The following THSD4 variants were observed in gnomAD, a reference collection of about 807,000 sequenced individuals.
The protein encoded by THSD4 is thrombospondin type-1 domain-containing protein 4.
THSD4 carries 69 observed loss-of-function variants against 119.0 expected under a neutral mutation model. The ratio of observed to expected loss-of-function variants is 0.58; its 90% CI spans 0.48 to 0.71. The LOEUF is 0.71. Among genes scored for constraint, THSD4 ranks in the 30% least tolerant of loss-of-function variants. The pLI, the probability that THSD4 is intolerant of heterozygous loss-of-function variation, is 0.00. For missense variants in THSD4, 1,393 were observed against 1,391.1 expected (o/e 1.00, Z -0.02); for synonymous variants, 524 against 540.4 (o/e 0.97, Z 0.42).
chr15:71,154,037 T>G (rs548742804), intron 2 of THSD4, among the ~76,000 whole-genome samples: 2 of 152,324 alleles, frequency 1.3e-5, no homozygotes, highest in African/African-American at 4.8e-5. Context: ...TCAGCTCTAC[T>G]CCTTCCCTCA....
chr15:71,214,674 G>A (rs975761762), intron 3 of THSD4, among the ~76,000 whole-genome samples: 6 of 152,184 alleles, frequency 3.9e-5, no homozygotes, highest in African/African-American at 7.2e-5. Flanking sequence ...TTGCCTTTCC[G>A]GCAGGGTGAC....
At chr15:71,567,512 T>A (rs1040768822) in intron 7 of THSD4, among the ~76,000 whole-genome samples, 1 of 152,044 alleles carries the variant, frequency 6.6e-6, no homozygotes, top group Non-Finnish European at 1.5e-5. Flanking sequence ...GTCCACCAGC[T>A]CCTTTTTCAT....
In THSD4 at chr15:71,435,210, T is replaced by G. The variant is rs191664288; in HGVS notation, c.1152+23387T>G. 1.4e-3 allele frequency among the ~76,000 whole-genome samples: 218 copies of G among 152,316 alleles called. 5 individuals carry two copies. The highest frequency in any genetic ancestry group is 9.4e-3 in the Admixed American group (144 of 15,302). ...AGGATTTATATCTCCAAGGGACTGGTTCTCTGACTGGGAAACCAACCCCAG... is the reference window on the plus strand; with the variant it reads ...AGGATTTATATCTCCAAGGGACTGGGTCTCTGACTGGGAAACCAACCCCAG... On this transcript the variant is annotated intron_variant, in intron 7 of 17. Coordinates refer to ENST00000261862, the MANE Select transcript of THSD4 (RefSeq NM_024817.3).
rs543944675 is a variant in THSD4 at position 71,135,287 on chromosome 15, G to A, written c.-79-6162G>A. Among the ~76,000 whole-genome samples the A allele has an allele frequency of 1.3e-4, 19 of 146,908 alleles. No individual in the cohort carries two copies. The South Asian group carries it at 1.3e-3, about 10-fold the overall frequency. On this transcript the variant is annotated intron_variant, in intron 1 of 17. Coordinates refer to ENST00000261862, the MANE Select transcript of THSD4 (RefSeq NM_024817.3). The stretch of plus-strand genomic sequence containing the variant: ...ATGCTAGATGACGAGTTGGTGCAGC[G>A]CACCAGCATGGCACATGTATACATA...
intron 8 of THSD4, among the ~76,000 whole-genome samples, chr15:71,702,983 C>T (rs2052322493): frequency 6.6e-6 from 1 of 151,660 alleles, no homozygotes; most frequent in South Asian, 2.1e-4. Flanking sequence ...CTGACCCCTG[C>T]TCTTTTTTTT....
At chr15:71,379,013 G>A (rs1353174359) in intron 6 of THSD4, among the ~76,000 whole-genome samples, 3 of 152,026 alleles carry the variant, frequency 2.0e-5, no homozygotes, top group African/African-American at 7.2e-5. Context: ...TGAACTCCTG[G>A]GCTCAAACAA....
chr15:71,721,205 A>T (rs576080964), intron 8 of THSD4, among the ~76,000 whole-genome samples: 2 of 151,928 alleles, frequency 1.3e-5, no homozygotes, highest in South Asian at 2.1e-4. Flanking sequence ...TGTCTCTATT[A>T]AAAAATACAA....
chr15:71,352,578 G>A (rs2045757892), intron 6 of THSD4, among the ~76,000 whole-genome samples: 1 of 152,198 alleles, frequency 6.6e-6, no homozygotes, highest in African/African-American at 2.4e-5. Context: ...GACTTAGAAA[G>A]GATTGGCTGA....
chr15:71,180,156 TAA>T lies in THSD4; in HGVS notation c.99+25237_99+25238del, dbSNP rs766375226. Among the ~76,000 whole-genome samples the T allele has an allele frequency of 6.9e-3, 157 of 22,864 alleles. 1 individual carries two copies. Among genetic ancestry groups the T allele is most frequent in the African/African-American group, 8.7e-3 (142 of 16,246 alleles). 15.0% of individuals were successfully genotyped at this position (22,864 alleles called of 152,430 possible). A position where few individuals can be genotyped will look rare whatever the true frequency, so the allele number is the denominator to read the frequency against. On this transcript the variant is annotated intron_variant, in intron 3 of 17. Coordinates refer to ENST00000261862, the MANE Select transcript of THSD4 (RefSeq NM_024817.3). ...TTAGAGTATAATAAAAAAAAAACATTAAAAAAAAAAAAAATAAAAAAAAAAAA... is the reference window on the plus strand; with the variant it reads ...TTAGAGTATAATAAAAAAAAAACATTAAAAAAAAAAAATAAAAAAAAAAAA...
At chr15:71,589,082 A>G (rs184490726) in intron 7 of THSD4, among the ~76,000 whole-genome samples, 373 of 152,300 alleles carry the variant, frequency 2.4e-3, no homozygotes, top group Non-Finnish European at 4.4e-3. Context: ...CAGTTTTACA[A>G]TGGAGAGTTG....
At chr15:71,619,099 A>G (rs963143607) in intron 7 of THSD4, among the ~76,000 whole-genome samples, 1 of 151,544 alleles carries the variant, frequency 6.6e-6, no homozygotes, top group African/African-American at 2.4e-5. Flanking sequence ...CTTCCTCAGT[A>G]GCTAGGATTA....
chr15:71,547,026 G>A lies in THSD4; in HGVS notation c.1153-113504G>A, dbSNP rs1288257552. On this transcript the variant is annotated intron_variant, in intron 7 of 17. Coordinates refer to ENST00000261862, the MANE Select transcript of THSD4 (RefSeq NM_024817.3). ...CTGCCTCCTCCCTGCCTCAGTGGAC[G>A]AGGTAGGGGCTGTCCCCCTGCATGT... 2.0e-5 allele frequency among the ~76,000 whole-genome samples: 3 copies of A among 152,298 alleles called. No homozygotes were observed. In the South Asian group the frequency reaches 6.2e-4, roughly 32 times the overall value.
At chr15:71,220,265 G>A (rs1177394530) in intron 4 of THSD4, among the ~76,000 whole-genome samples, 1 of 152,156 alleles carries the variant, frequency 6.6e-6, no homozygotes, top group Non-Finnish European at 1.5e-5. Context: ...CACAGAGCAG[G>A]TAGGATTTGA....
At chr15:71,639,911 T>C (rs1314300714) in intron 7 of THSD4, among the ~76,000 whole-genome samples, 3 of 152,110 alleles carry the variant, frequency 2.0e-5, no homozygotes, top group Non-Finnish European at 4.4e-5. Context: ...TTTTTCCTTA[T>C]TCAAAATAAA....
At chr15:71,674,898 AC>A (rs2051608442) in intron 8 of THSD4, among the ~76,000 whole-genome samples, 1 of 152,138 alleles carries the variant, frequency 6.6e-6, no homozygotes, top group Non-Finnish European at 1.5e-5. Flanking sequence ...GAAGTAAGAA[AC>A]CCTGGCCTGT....
chr15:71,111,141 A>G (rs74021929), upstream of THSD4: 4,797 of 1,603,150 alleles, frequency 3.0e-3, 135 homozygotes, highest in African/African-American at 0.058. Context: ...ACCAGGTAAC[A>G]AGAACCTTCC....
chr15:71,427,484 G>T (rs567102917), intron 7 of THSD4, among the ~76,000 whole-genome samples: 13 of 151,602 alleles, frequency 8.6e-5, no homozygotes, highest in Admixed American at 2.0e-4. Flanking sequence ...ACATTAAATG[G>T]AATGTTAGGT....
At chr15:71,763,705 A>G (rs543663224) in intron 15 of THSD4, among the ~76,000 whole-genome samples, 1 of 152,150 alleles carries the variant, frequency 6.6e-6, no homozygotes, top group East Asian at 1.9e-4. Context: ...TTGGCCTCCC[A>G]AAGTGCTAGG....
chr15:71,536,505 A>C (rs1283832344), intron 7 of THSD4, among the ~76,000 whole-genome samples: 1 of 152,178 alleles, frequency 6.6e-6, no homozygotes, highest in Non-Finnish European at 1.5e-5. Flanking sequence ...ATGTAATGTA[A>C]CATATTCACA....
Sources: allele counts gnomAD v4.1 joint callset (sites outside exome capture counted in the v4.1 genomes callset), GRCh38; gene constraint gnomAD v4.1.1; transcripts MANE v1.5; gene names NCBI Gene and HGNC (gene_info 2026-07-23, HGNC 2026-07-21).